Variants in LRP1B observed in about 807,000 individuals in gnomAD.
The protein encoded by LRP1B is LDL receptor related protein 1B.
A neutral mutation model predicts 556.6 loss-of-function variants in LRP1B; 217 were observed. That is an observed-to-expected ratio of 0.39 (90% CI 0.35 to 0.44). LRP1B has a LOEUF of 0.44. Among genes scored for constraint, LRP1B ranks in the 20% least tolerant of loss-of-function variants. The probability of loss-of-function intolerance (pLI) is 1.00; values close to 1 mark genes in which losing one functional copy is unlikely to be tolerated. For synonymous variants in LRP1B, 2,047 were observed against 1,865.8 expected (o/e 1.10, Z -2.50); for missense variants, 5,053 against 5,620.8 (o/e 0.90, Z 3.23).
intron 2 of LRP1B, among the ~76,000 whole-genome samples, chr2:141,629,092 G>C (rs1459815006): frequency 6.6e-6 from 1 of 152,088 alleles, no homozygotes; most frequent in Non-Finnish European, 1.5e-5. Flanking sequence ...GATCTCTAAG[G>C]GCTATTTTTT....
At chr2:141,637,740 A>G (rs753897239) in intron 2 of LRP1B, among the ~76,000 whole-genome samples, 99 of 152,334 alleles carry the variant, frequency 6.5e-4, no homozygotes, top group South Asian at 8.3e-4. Flanking sequence ...ACGCTGTGGC[A>G]TCTGATGTTT....
intron 3 of LRP1B, among the ~76,000 whole-genome samples, chr2:141,315,940 C>T (rs972058426): frequency 1.2e-5 from 1 of 82,316 alleles, no homozygotes; most frequent in Admixed American, 1.8e-4. Context: ...TTAGTATCCA[C>T]AGGCTTTATG....
At chr2:141,084,291 T>C (rs2140872) in intron 7 of LRP1B, among the ~76,000 whole-genome samples, 129,914 of 152,172 alleles carry the variant, frequency 0.85, 55,748 homozygotes, top group Non-Finnish European at 0.89. Context: ...GATACAGAAT[T>C]GGTTAGAGGG....
intron 2 of LRP1B, among the ~76,000 whole-genome samples, chr2:141,743,850 C>A (rs1341522187): frequency 6.6e-6 from 1 of 151,802 alleles, no homozygotes; most frequent in Admixed American, 6.6e-5. Flanking sequence ...AGTTGTAATG[C>A]CTCTTTTTTC....
At chr2:141,602,998 A>T (rs940034125) in intron 2 of LRP1B, among the ~76,000 whole-genome samples, 3 of 152,168 alleles carry the variant, frequency 2.0e-5, no homozygotes, top group Non-Finnish European at 4.4e-5. Flanking sequence ...TTAAATTGAG[A>T]TTTACCTAAT....
At chr2:142,058,224 GAAGAC>G (rs1559047635) in intron 1 of LRP1B, among the ~76,000 whole-genome samples, 3 of 152,114 alleles carry the variant, frequency 2.0e-5, no homozygotes, top group African/African-American at 7.2e-5. Flanking sequence ...CCCCACTGAT[GAAGAC>G]AAGATTTGTT....
At chr2:140,856,738 T>TACACACACAC (rs57220779) in intron 27 of LRP1B, among the ~76,000 whole-genome samples, 172 of 148,466 alleles carry the variant, frequency 1.2e-3, no homozygotes, top group African/African-American at 2.2e-3. Context: ...CTAAGAGAGA[T>TACACACACAC]ACACACACAC....
At chr2:140,267,441 C>A (rs933293994) in intron 86 of LRP1B, among the ~76,000 whole-genome samples, 1 of 151,628 alleles carries the variant, frequency 6.6e-6, no homozygotes, top group African/African-American at 2.4e-5. Flanking sequence ...CTATGCACAC[C>A]CTCCCCTATA....
chr2:140,803,437 C>T (rs953810538), intron 32 of LRP1B, among the ~76,000 whole-genome samples: 15 of 150,932 alleles, frequency 9.9e-5, no homozygotes, highest in South Asian at 8.4e-4. Context: ...CCACCATGCC[C>T]GGCTATTTTT....
chr2:141,405,882 A>T lies in LRP1B; in HGVS notation c.343+74514T>A, dbSNP rs555879315. On this transcript the variant is annotated intron_variant, in intron 3 of 90. Transcript: ENST00000389484. ...GTGTCAAAAGTATTTAGTATGGCTG[A>T]TGTTAATATTAGTTTTTATAATTTT... Among the ~76,000 whole-genome samples, 4 of 152,194 alleles carry T rather than the reference A, an allele frequency of 2.6e-5. No individual in the cohort carries two copies. In the East Asian group the frequency reaches 5.8e-4, roughly 22 times the overall value.
intron 1 of LRP1B, among the ~76,000 whole-genome samples, chr2:141,887,200 T>C (rs921138934): frequency 1.3e-5 from 2 of 152,078 alleles, no homozygotes; most frequent in Admixed American, 6.6e-5. Context: ...TTCACAATGT[T>C]GGCCAGGCTG....
At chr2:141,367,681 A>G (rs934116537) in intron 3 of LRP1B, among the ~76,000 whole-genome samples, 4 of 151,452 alleles carry the variant, frequency 2.6e-5, no homozygotes, top group African/African-American at 9.7e-5. Flanking sequence ...ACAGAGTTTC[A>G]TCTTGTTAGC....
chr2:141,175,488 C>CAA (rs1437698955), intron 7 of LRP1B, among the ~76,000 whole-genome samples: 3 of 152,152 alleles, frequency 2.0e-5, no homozygotes, highest in African/African-American at 7.2e-5. Context: ...TCAGAGGGTA[C>CAA]AAGCCCCAAG....
At chr2:141,661,868 A>C (rs905210497) in intron 2 of LRP1B, among the ~76,000 whole-genome samples, 2 of 152,174 alleles carry the variant, frequency 1.3e-5, no homozygotes, top group South Asian at 2.1e-4. Flanking sequence ...CAACTCCAAG[A>C]CACATAATCA....
intron 41 of LRP1B, among the ~76,000 whole-genome samples, chr2:140,689,551 G>A (rs977251747): frequency 6.6e-6 from 1 of 152,094 alleles, no homozygotes; most frequent in African/African-American, 2.4e-5. Flanking sequence ...AATAACTCTG[G>A]TCAAGAATTA....
intron 1 of LRP1B, among the ~76,000 whole-genome samples, chr2:141,840,257 C>CTTTTTTT (rs565362139): frequency 1.4e-4 from 12 of 84,238 alleles, no homozygotes; most frequent in Admixed American, 3.5e-4. Context: ...AACAAATTTC[C>CTTTTTTT]TTTTTTTTTT....
intron 2 of LRP1B, among the ~76,000 whole-genome samples, chr2:141,771,220 T>A (rs1694888665): frequency 6.6e-6 from 1 of 152,116 alleles, no homozygotes; most frequent in Admixed American, 6.5e-5. Flanking sequence ...TGGTCATTCA[T>A]CCTTTAAAAC....
chr2:140,859,109 C>G (rs981880518), intron 27 of LRP1B, among the ~76,000 whole-genome samples: 2 of 151,954 alleles, frequency 1.3e-5, no homozygotes, highest in African/African-American at 2.4e-5. Flanking sequence ...TGTCAGCCAT[C>G]GGGACTGGCC....
chr2:141,207,671 TTTTGTTTTTG>T (rs1305829252), intron 6 of LRP1B, among the ~76,000 whole-genome samples: 3 of 148,028 alleles, frequency 2.0e-5, no homozygotes, highest in African/African-American at 2.7e-5. Context: ...TTGTTTTTGT[TTTTGTTTTTG>T]TTTTTGTTTT....
Sources: gnomAD v4.1 joint callset for allele counts (sites outside exome capture counted in the v4.1 genomes callset) on GRCh38, gnomAD v4.1.1 for gene constraint, MANE v1.5 for transcripts, NCBI Gene and HGNC (gene_info 2026-07-23, HGNC 2026-07-21) for gene names.